Variants in PKNOX2 observed in about 807,000 individuals in gnomAD.
PKNOX2 encodes the protein homeobox protein PKNOX2.
Under a neutral mutation model 53.1 loss-of-function variants are expected in PKNOX2, and 14 were observed. That is an observed-to-expected ratio of 0.26 (90% CI 0.17 to 0.41). The LOEUF is 0.41. Among genes scored for constraint, PKNOX2 ranks in the 10% least tolerant of loss-of-function variants. The pLI, the probability that PKNOX2 is intolerant of heterozygous loss-of-function variation, is 1.00. For missense variants in PKNOX2, 496 were observed against 602.8 expected (o/e 0.82, Z 1.85); for synonymous variants, 257 against 242.8 (o/e 1.06, Z -0.54).
chr11:125,424,486 A>G (rs1476438861), intron 10 of PKNOX2, among the ~76,000 whole-genome samples: 2 of 151,936 alleles, frequency 1.3e-5, no homozygotes, highest in Non-Finnish European at 2.9e-5. Flanking sequence ...TGGCCCTCCT[A>G]GAGTGGAACC....
At chr11:125,419,377 C>G (rs1476539875) in intron 10 of PKNOX2, among the ~76,000 whole-genome samples, 1 of 150,364 alleles carries the variant, frequency 6.7e-6, no homozygotes, top group African/African-American at 2.5e-5. Context: ...TTGGCCTTGC[C>G]TTGGAAAATG....
chr11:125,407,472 C>G (rs1258526346), intron 7 of PKNOX2, among the ~76,000 whole-genome samples: 1 of 152,172 alleles, frequency 6.6e-6, no homozygotes, highest in Non-Finnish European at 1.5e-5. Context: ...CTAGGACAAC[C>G]TTTTATGTTT....
rs574788761 is a variant in PKNOX2 at position 125,172,806 on chromosome 11, G to A, written c.-201+8030G>A. Among the ~76,000 whole-genome samples the A allele has an allele frequency of 3.3e-5, 5 of 152,154 alleles. No homozygotes were observed. In the South Asian group the frequency reaches 1.0e-3, roughly 32 times the overall value. On this transcript the variant is annotated intron_variant, in intron 1 of 12. Transcript: ENST00000298282. ...ACATTCAACAGACTGCAGGGGCTTG[G>A]CCCCTGTGGTATAGAGTCTTAAGGA... is the stretch of plus-strand genomic sequence containing the variant.
chr11:125,346,191 G>C (rs1407377668), intron 3 of PKNOX2, among the ~76,000 whole-genome samples: 1 of 151,644 alleles, frequency 6.6e-6, no homozygotes, highest in Non-Finnish European at 1.5e-5. Context: ...TTGGGGGTGG[G>C]GGTGGAGGGG....
intron 2 of PKNOX2, among the ~76,000 whole-genome samples, chr11:125,314,132 G>A (rs969973169): frequency 6.6e-6 from 1 of 152,212 alleles, no homozygotes; most frequent in African/African-American, 2.4e-5. Context: ...ATGCAGAGGA[G>A]ACCAGCCCTG....
At chr11:125,232,231 C>A (rs1942268720) in intron 1 of PKNOX2, among the ~76,000 whole-genome samples, 1 of 152,168 alleles carries the variant, frequency 6.6e-6, no homozygotes, top group Non-Finnish European at 1.5e-5. Flanking sequence ...GAGCAAGGAC[C>A]AGTGGATAAT....
intron 1 of PKNOX2, among the ~76,000 whole-genome samples, chr11:125,168,464 T>C (rs1445239538): frequency 1.3e-5 from 2 of 152,226 alleles, no homozygotes; most frequent in Non-Finnish European, 2.9e-5. Flanking sequence ...AGTAAGTTAG[T>C]GATGAAATAA....
intron 1 of PKNOX2, among the ~76,000 whole-genome samples, chr11:125,174,924 G>T (rs1445024653): frequency 6.6e-6 from 1 of 152,094 alleles, no homozygotes. Context: ...CGGTCCCCTG[G>T]GGCCCTCTTG....
At chr11:125,233,071 A>G (rs766570993) in intron 1 of PKNOX2, among the ~76,000 whole-genome samples, 1 of 152,102 alleles carries the variant, frequency 6.6e-6, no homozygotes, top group Non-Finnish European at 1.5e-5. Flanking sequence ...AAATTATTTC[A>G]TTGGTAGTTG....
chr11:125,414,073 C>A (rs1040550791), intron 10 of PKNOX2, among the ~76,000 whole-genome samples: 1 of 152,196 alleles, frequency 6.6e-6, no homozygotes, highest in Non-Finnish European at 1.5e-5. Context: ...TCGGTTCATG[C>A]CCCACCCTCT....
chr11:125,248,511 A>G (rs1943730350), intron 2 of PKNOX2, among the ~76,000 whole-genome samples: 2 of 151,966 alleles, frequency 1.3e-5, no homozygotes, highest in Admixed American at 6.6e-5. Flanking sequence ...TTAGATTTCT[A>G]TTTTTGAAAT....
At chr11:125,197,444 T>C (rs1937853885) in intron 1 of PKNOX2, among the ~76,000 whole-genome samples, 1 of 152,130 alleles carries the variant, frequency 6.6e-6, no homozygotes, top group East Asian at 1.9e-4. Context: ...TGGGGATCTC[T>C]CTTTCTGAAC....
intron 4 of PKNOX2, among the ~76,000 whole-genome samples, chr11:125,356,996 C>T (rs774045079): frequency 2.0e-5 from 3 of 152,274 alleles, no homozygotes; most frequent in African/African-American, 7.2e-5. Flanking sequence ...CTGTGAAACA[C>T]ATTTGCTTTG....
chr11:125,235,381 G>A (rs190162680), intron 2 of PKNOX2, among the ~76,000 whole-genome samples: 6 of 152,334 alleles, frequency 3.9e-5, no homozygotes, highest in African/African-American at 9.6e-5. Context: ...CATGAGTGCC[G>A]GAGAAGGAAG....
intron 3 of PKNOX2, among the ~76,000 whole-genome samples, chr11:125,350,347 T>C (rs561468174): frequency 6.6e-6 from 1 of 152,222 alleles, no homozygotes; most frequent in African/African-American, 2.4e-5. Flanking sequence ...GGGGAAATGA[T>C]GGGGGCAACA....
intron 1 of PKNOX2, among the ~76,000 whole-genome samples, chr11:125,224,582 G>C (rs912649418): frequency 2.0e-5 from 3 of 152,168 alleles, no homozygotes; most frequent in South Asian, 2.1e-4. Flanking sequence ...TTCCTACTCC[G>C]TTTGTTCTCA....
chr11:125,250,570 C>T (rs899880239), intron 2 of PKNOX2, among the ~76,000 whole-genome samples: 3 of 152,166 alleles, frequency 2.0e-5, no homozygotes, highest in African/African-American at 7.2e-5. Context: ...TAGCGCTAGT[C>T]TGGAGGGATC....
chr11:125,416,801 C>T (rs1214720579), intron 10 of PKNOX2, among the ~76,000 whole-genome samples: 1 of 152,076 alleles, frequency 6.6e-6, no homozygotes, highest in African/African-American at 2.4e-5. Flanking sequence ...GTAGTAAATA[C>T]TGGTTCCTGT....
intron 2 of PKNOX2, among the ~76,000 whole-genome samples, chr11:125,273,310 C>A (rs1338002678): frequency 6.6e-6 from 1 of 152,136 alleles, no homozygotes; most frequent in Non-Finnish European, 1.5e-5. Flanking sequence ...AGCTTCTGAG[C>A]AAACAGCTGA....
Sources: gnomAD v4.1 joint callset for allele counts (sites outside exome capture counted in the v4.1 genomes callset) on GRCh38, gnomAD v4.1.1 for gene constraint, MANE v1.5 for transcripts, NCBI Gene and HGNC (gene_info 2026-07-23, HGNC 2026-07-21) for gene names.